SUCLG2: variants seen among roughly 807,000 people sequenced by gnomAD.
SUCLG2 encodes the protein succinate-CoA ligase GDP-forming subunit beta.
Under a neutral mutation model 47.9 loss-of-function variants are expected in SUCLG2, and 42 were observed. The observed-to-expected ratio is 0.88, with a 90% confidence interval of 0.69 to 1.14. The LOEUF (loss-of-function observed/expected upper bound fraction) is 1.14, where lower values mean the gene tolerates loss of function less well. Ranked by LOEUF, SUCLG2 falls within the 50% of genes most tolerant of loss-of-function variation. The pLI, the probability that SUCLG2 is intolerant of heterozygous loss-of-function variation, is 0.00. For synonymous variants in SUCLG2, 195 were observed against 197.3 expected, an observed-to-expected ratio of 0.99 and a Z score of 0.10; for missense variants, 571 against 525.9, an observed-to-expected ratio of 1.09 and a Z score of -0.84.
At position 67,590,635 on chromosome 3, in the gene SUCLG2, G is replaced by A. The variant is rs147936949; in HGVS notation, c.226+18820C>T. On this transcript the variant is annotated intron_variant, in intron 2 of 10. Coordinates refer to ENST00000307227, the MANE Select transcript of SUCLG2 (RefSeq NM_003848.4). ...CTTCTGCCATGATATTAAGTTCCTC[G>A]AGGCCTTCCCAGAAGCCGAGCAGAT... Among the ~76,000 whole-genome samples the A allele has an allele frequency of 3.2e-3, 486 of 152,182 alleles. 3 individuals carry two copies. The highest frequency in any genetic ancestry group is 4.5e-3 in the Non-Finnish European group (305 of 67,996).
chr3:67,493,346 T>C (rs1288965118), intron 9 of SUCLG2, among the ~76,000 whole-genome samples: 5 of 152,208 alleles, frequency 3.3e-5, no homozygotes, highest in African/African-American at 4.8e-5. Flanking sequence ...TTTCCTGATA[T>C]AGCATGAGAA....
At chr3:67,393,602 C>A (rs1163349583) in intron 10 of SUCLG2, among the ~76,000 whole-genome samples, 2 of 152,200 alleles carry the variant, frequency 1.3e-5, no homozygotes, top group Non-Finnish European at 2.9e-5. Flanking sequence ...AGGGCACAGA[C>A]AAACAAAAAG....
chr3:67,480,427 T>G (rs954764104), intron 9 of SUCLG2, among the ~76,000 whole-genome samples: 2 of 152,232 alleles, frequency 1.3e-5, no homozygotes, highest in Admixed American at 1.3e-4. Context: ...AATCTGCATT[T>G]CTCACAGATT....
rs558295963 is a variant in SUCLG2 at position 67,375,392 on chromosome 3, C to A, written c.*352G>T. On this transcript the variant is annotated 3_prime_UTR_variant, in exon 11 of 11. Coordinates refer to ENST00000307227, the MANE Select transcript of SUCLG2 (RefSeq NM_003848.4). Reference sequence around the variant, plus strand: ...CTTTTTCATTATGTAGGATTAGATGCCCACCAAAATTCTTGTAAATGAAGC... The same window carrying A: ...CTTTTTCATTATGTAGGATTAGATGACCACCAAAATTCTTGTAAATGAAGC... 5 of 995,710 alleles carry A rather than the reference C, an allele frequency of 5.0e-6. No individual in the cohort carries two copies. Among genetic ancestry groups the A allele is most frequent in the African/African-American group, 1.7e-5 (1 of 57,696 alleles). 61.7% of individuals were successfully genotyped at this position (995,710 alleles called of 1,614,324 possible). A position where few individuals can be genotyped will look rare whatever the true frequency, so the allele number is the denominator to read the frequency against.
intron 9 of SUCLG2, among the ~76,000 whole-genome samples, chr3:67,478,855 C>T (rs1254358670): frequency 1.3e-5 from 2 of 152,166 alleles, no homozygotes; most frequent in Non-Finnish European, 2.9e-5. Context: ...TGCTTAAAGG[C>T]ACTAAAATGT....
intron 1 of SUCLG2, among the ~76,000 whole-genome samples, chr3:67,626,020 T>G (rs56248023): frequency 2.9e-5 from 4 of 138,180 alleles, no homozygotes; most frequent in Non-Finnish European, 6.5e-5. Flanking sequence ...ATATATATAT[T>G]TACATTTTTT....
chr3:67,392,486 C>T (rs541374947), intron 10 of SUCLG2, among the ~76,000 whole-genome samples: 4 of 152,124 alleles, frequency 2.6e-5, no homozygotes, highest in Non-Finnish European at 5.9e-5. Context: ...TTTCTTAGAT[C>T]GAATATATCA....
At chr3:67,392,411 C>T (rs1467639282) in intron 10 of SUCLG2, among the ~76,000 whole-genome samples, 1 of 152,208 alleles carries the variant, frequency 6.6e-6, no homozygotes, top group Admixed American at 6.5e-5. Context: ...AATGCTTAAA[C>T]TTTACCACAC....
intron 2 of SUCLG2, among the ~76,000 whole-genome samples, chr3:67,568,064 A>T (rs940591252): frequency 1.3e-5 from 2 of 152,220 alleles, no homozygotes; most frequent in African/African-American, 2.4e-5. Context: ...GTCTTCAGTG[A>T]CTTCTGTTGT....
At chr3:67,653,721 A>G (rs990895639) in intron 1 of SUCLG2, among the ~76,000 whole-genome samples, 2 of 152,348 alleles carry the variant, frequency 1.3e-5, no homozygotes, top group South Asian at 2.1e-4. Flanking sequence ...GATTTCTACA[A>G]GAGTCATCAC....
chr3:67,530,931 G>A (rs914230981), intron 2 of SUCLG2, among the ~76,000 whole-genome samples: 1 of 152,210 alleles, frequency 6.6e-6, no homozygotes, highest in Non-Finnish European at 1.5e-5. Flanking sequence ...AAGAACAGTA[G>A]TAAGAGCAAG....
At position 67,489,531 on chromosome 3, in the gene SUCLG2, A is replaced by G. The variant is rs1033148038; in HGVS notation, c.1062+6267T>C. ...GGAATTTTAATCTTTTCCACTCTATATGAAAAAAATACATATTTTCAAGCA... is the reference window on the plus strand; with the variant it reads ...GGAATTTTAATCTTTTCCACTCTATGTGAAAAAAATACATATTTTCAAGCA... On this transcript the variant is annotated intron_variant, in intron 9 of 10. Coordinates refer to ENST00000307227, the MANE Select transcript of SUCLG2 (RefSeq NM_003848.4). Among the ~76,000 whole-genome samples, 3 of 152,328 alleles carry G rather than the reference A, an allele frequency of 2.0e-5. No homozygotes were observed. The East Asian group carries it at 5.8e-4, about 29-fold the overall frequency.
chr3:67,474,133 G>A (rs534183955), intron 9 of SUCLG2, among the ~76,000 whole-genome samples: 2 of 152,024 alleles, frequency 1.3e-5, no homozygotes, highest in Admixed American at 6.6e-5. Flanking sequence ...GGTGGCAGGC[G>A]CCTGTAGTCC....
chr3:67,615,973 A>G (rs1303374208), intron 1 of SUCLG2, among the ~76,000 whole-genome samples: 1 of 151,996 alleles, frequency 6.6e-6, no homozygotes, highest in Admixed American at 6.6e-5. Context: ...ACTATTTAAC[A>G]TTATCTATGG....
At position 67,590,258 on chromosome 3, in the gene SUCLG2, T is replaced by G. The variant is rs563189740; in HGVS notation, c.226+19197A>C. ...TATTTCTATTATGTTCTTTCCCACA[T>G]ACCTCCCTGTGTATTCCAGCAAGTG... On this transcript the variant is annotated intron_variant, in intron 2 of 10. Transcript: ENST00000307227. Among the ~76,000 whole-genome samples the G allele has an allele frequency of 1.2e-3, 180 of 152,364 alleles. 2 individuals carry two copies. Among genetic ancestry groups the G allele is most frequent in the South Asian group, 2.9e-3 (14 of 4,828 alleles).
chr3:67,579,990 C>A (rs1707840669), intron 2 of SUCLG2, among the ~76,000 whole-genome samples: 2 of 151,320 alleles, frequency 1.3e-5, no homozygotes, highest in Non-Finnish European at 2.9e-5. Flanking sequence ...GGAGGTGAGT[C>A]AACAAAAAGA....
chr3:67,581,811 G>C (rs1488062396), intron 2 of SUCLG2, among the ~76,000 whole-genome samples: 1 of 152,088 alleles, frequency 6.6e-6, no homozygotes, highest in Non-Finnish European at 1.5e-5. Context: ...AGAAAGACCC[G>C]GTGGTATTTA....
At chr3:67,440,629 G>A (rs1227373810) in intron 9 of SUCLG2, among the ~76,000 whole-genome samples, 1 of 152,170 alleles carries the variant, frequency 6.6e-6, no homozygotes, top group Non-Finnish European at 1.5e-5. Flanking sequence ...ATGAAAAAAA[G>A]CTCATCACCA....
chr3:67,601,917 G>C (rs1268406124), intron 2 of SUCLG2, among the ~76,000 whole-genome samples: 2 of 152,128 alleles, frequency 1.3e-5, no homozygotes, highest in Non-Finnish European at 2.9e-5. Context: ...GGGAGGCAGA[G>C]ATTGCAGTGA....
Sources: allele counts gnomAD v4.1 joint callset (sites outside exome capture counted in the v4.1 genomes callset), GRCh38; gene constraint gnomAD v4.1.1; transcripts MANE v1.5; gene names NCBI Gene and HGNC (gene_info 2026-07-23, HGNC 2026-07-21).